Variants in PRKCE observed in about 807,000 individuals in gnomAD.
PRKCE encodes the protein protein kinase C epsilon, also known as protein kinase C epsilon type.
In PRKCE, 16 loss-of-function variants were observed where a neutral mutation model predicts 85.4. The observed-to-expected ratio is 0.19, with a 90% CI of 0.13 to 0.28. The LOEUF is 0.28. PRKCE is among the 10% of genes least tolerant of loss of function. The pLI is 1.00. For missense variants in PRKCE, 573 were observed against 975.2 expected, an observed-to-expected ratio of 0.59 and a Z score of 5.49; for synonymous variants, 388 against 371.5, an observed-to-expected ratio of 1.04 and a Z score of -0.51.
chr2:45,750,279 C>G (rs963528352), intron 1 of PRKCE, among the ~76,000 whole-genome samples: 1 of 152,222 alleles, frequency 6.6e-6, no homozygotes, highest in Non-Finnish European at 1.5e-5. Context: ...AGCAGTCACT[C>G]TCTGTTCCTC....
chr2:46,117,055 A>G (rs551315060), intron 11 of PRKCE, among the ~76,000 whole-genome samples: 1 of 152,244 alleles, frequency 6.6e-6, no homozygotes, highest in Non-Finnish European at 1.5e-5. Context: ...TGATGTTTCA[A>G]GGAAAGTGAA....
intron 6 of PRKCE, among the ~76,000 whole-genome samples, chr2:45,986,433 T>C (rs1307888531): frequency 6.6e-6 from 1 of 151,690 alleles, no homozygotes; most frequent in African/African-American, 2.4e-5. Context: ...CGAGCGGGGA[T>C]GGGCCTTGGG....
intron 1 of PRKCE, among the ~76,000 whole-genome samples, chr2:45,818,695 GA>G (rs1689278860): frequency 6.6e-6 from 1 of 152,204 alleles, no homozygotes; most frequent in Admixed American, 6.5e-5. Flanking sequence ...GGCTTCGGGG[GA>G]GAGTGACCAC....
intron 11 of PRKCE, among the ~76,000 whole-genome samples, chr2:46,088,475 G>A (rs1327427945): frequency 6.6e-6 from 1 of 152,158 alleles, no homozygotes; most frequent in African/African-American, 2.4e-5. Context: ...TGTTCACCTT[G>A]TGGTAGGATT....
chr2:45,776,540 A>G (rs1395938114), intron 1 of PRKCE, among the ~76,000 whole-genome samples: 1 of 152,216 alleles, frequency 6.6e-6, no homozygotes, highest in African/African-American at 2.4e-5. Flanking sequence ...CTTTTGCTCA[A>G]GGGACTTTGA....
intron 1 of PRKCE, among the ~76,000 whole-genome samples, chr2:45,833,336 C>T (rs1470004028): frequency 6.6e-6 from 1 of 152,150 alleles, no homozygotes; most frequent in African/African-American, 2.4e-5. Flanking sequence ...TTCAGTTCCA[C>T]TTAGAGTCTT....
intron 2 of PRKCE, among the ~76,000 whole-genome samples, chr2:45,936,308 C>T (rs911459037): frequency 2.0e-5 from 3 of 152,332 alleles, no homozygotes; most frequent in Non-Finnish European, 4.4e-5. Context: ...TCCCTGCTCT[C>T]CTGAGTAATA....
chr2:45,974,501 T>A (rs1267562828), intron 2 of PRKCE, among the ~76,000 whole-genome samples: 12 of 152,208 alleles, frequency 7.9e-5, no homozygotes, highest in Admixed American at 7.9e-4. Flanking sequence ...GTGTTGAAGA[T>A]GCAGTCTGGG....
chr2:45,790,754 T>C (rs541469823), intron 1 of PRKCE, among the ~76,000 whole-genome samples: 92 of 152,378 alleles, frequency 6.0e-4, no homozygotes, highest in Middle Eastern at 3.4e-3. Flanking sequence ...TACTATGCTC[T>C]GGGAAATTGA....
rs1707212646 is a variant in PRKCE at position 46,027,610 on chromosome 2, T to C, written c.1437+17093T>C. 3.9e-5 allele frequency among the ~76,000 whole-genome samples: 6 copies of C among 152,212 alleles called. No homozygotes were observed. The South Asian group carries it at 1.2e-3, about 31-fold the overall frequency. ...AACAAGAACATGAAAGCATCCAAAC[T>C]GTCATAGGCACTAGCATTTTAAATG... On this transcript the variant is annotated intron_variant, in intron 10 of 14. Coordinates refer to ENST00000306156, the MANE Select transcript of PRKCE (RefSeq NM_005400.3).
At chr2:45,825,209 G>C (rs1166136031) in intron 1 of PRKCE, among the ~76,000 whole-genome samples, 2 of 152,276 alleles carry the variant, frequency 1.3e-5, no homozygotes, top group Admixed American at 1.3e-4. Flanking sequence ...CTTAAAACAG[G>C]AGCTGCACCT....
At chr2:45,675,875 G>T (rs913882251) in intron 1 of PRKCE, among the ~76,000 whole-genome samples, 1 of 152,154 alleles carries the variant, frequency 6.6e-6, no homozygotes, top group South Asian at 2.1e-4. Flanking sequence ...GGCAGGATAG[G>T]TGGGTGGGGA....
chr2:45,737,640 C>A (rs1320869078), intron 1 of PRKCE, among the ~76,000 whole-genome samples: 2 of 152,100 alleles, frequency 1.3e-5, no homozygotes, highest in African/African-American at 2.4e-5. Context: ...GCCCCCTTCT[C>A]CCCTGGAGCC....
chr2:46,100,874 C>CTCTTG (rs1671148427), intron 11 of PRKCE, among the ~76,000 whole-genome samples: 1 of 125,526 alleles, frequency 8.0e-6, no homozygotes, highest in African/African-American at 2.8e-5. Context: ...CTCTTCTCTT[C>CTCTTG]TCTTCTCTTT....
At chr2:46,179,463 T>C (rs1192415080) in intron 14 of PRKCE, among the ~76,000 whole-genome samples, 1 of 152,062 alleles carries the variant, frequency 6.6e-6, no homozygotes, top group Non-Finnish European at 1.5e-5. Context: ...AAACTCTTAT[T>C]TCCTCCCTTC....
intron 6 of PRKCE, among the ~76,000 whole-genome samples, chr2:45,997,645 C>T (rs1253260987): frequency 6.6e-6 from 1 of 152,086 alleles, no homozygotes; most frequent in Non-Finnish European, 1.5e-5. Context: ...CTCCCGAGTT[C>T]AAGCGATTCT....
intron 7 of PRKCE, among the ~76,000 whole-genome samples, chr2:46,003,488 T>G (rs1238916871): frequency 1.3e-5 from 2 of 152,262 alleles, no homozygotes; most frequent in African/African-American, 4.8e-5. Context: ...GAGCATCTAT[T>G]ATGTTTCTTA....
rs1675638605 is a variant in PRKCE, at chr2:45,661,475, A to C, written c.348+9027A>C. Among the ~76,000 whole-genome samples the C allele has an allele frequency of 2.0e-5, 3 of 147,616 alleles. No homozygotes were observed. The South Asian group carries it at 6.5e-4, about 32-fold the overall frequency. ...TGGGATTATATAAGAGAAGTGAGCC[A>C]CTGCGCCTGGCTTCAAGAAGAGTTT... On this transcript the variant is annotated intron_variant, in intron 1 of 14. Transcript: ENST00000306156.
intron 1 of PRKCE, among the ~76,000 whole-genome samples, chr2:45,751,387 C>T (rs1365857670): frequency 6.6e-6 from 1 of 152,160 alleles, no homozygotes; most frequent in African/African-American, 2.4e-5. Flanking sequence ...ACTATTTATA[C>T]ACTCTTGCTT....
Sources: gnomAD v4.1 joint callset for allele counts (sites outside exome capture counted in the v4.1 genomes callset) on GRCh38, gnomAD v4.1.1 for gene constraint, MANE v1.5 for transcripts, NCBI Gene and HGNC (gene_info 2026-07-23, HGNC 2026-07-21) for gene names.